DPP4: variants seen among roughly 807,000 people sequenced by gnomAD.
The protein encoded by DPP4 is dipeptidyl peptidase 4.
Under a neutral mutation model 122.4 loss-of-function variants are expected in DPP4, and 93 were observed. That is an observed-to-expected ratio of 0.76 (90% CI 0.64 to 0.90). DPP4 has a LOEUF of 0.90. DPP4 is among the 40% of genes least tolerant of loss of function. DPP4 has a pLI of 0.00. For synonymous variants in DPP4, 321 were observed against 302.9 expected (o/e 1.06, Z -0.62); for missense variants, 914 against 907.3 (o/e 1.01, Z -0.09).
At chr2:162,038,890 C>T (rs1292495316) in intron 7 of DPP4, 59 bp downstream of exon 7, 7 of 1,480,622 alleles carry the variant, frequency 4.7e-6, no homozygotes, top group Non-Finnish European at 6.6e-6. Context: ...GGGTTAGTAA[C>T]TTCTGCCTAT....
chr2:162,016,716 G>C, intron 18 of DPP4, 52 bp downstream of exon 18: 1 of 1,179,802 alleles, frequency 8.5e-7, no homozygotes. Flanking sequence ...ACTATAGTTA[G>C]AGTGCATTGG....
chr2:162,004,735 A>G (rs1056774136), intron 23 of DPP4, among the ~76,000 whole-genome samples: 2 of 152,252 alleles, frequency 1.3e-5, no homozygotes, highest in Admixed American at 6.5e-5. Context: ...TTCAGCATCC[A>G]TAGTAATAGG....
chr2:161,994,266 A>G (rs1283663777), intron 25 of DPP4, among the ~76,000 whole-genome samples: 1 of 152,234 alleles, frequency 6.6e-6, no homozygotes, highest in Admixed American at 6.5e-5. Context: ...TGCATTGGGC[A>G]CCATTTGAAC....
chr2:162,031,441 G>A (rs1484732048), intron 10 of DPP4, among the ~76,000 whole-genome samples: 3 of 152,200 alleles, frequency 2.0e-5, no homozygotes, highest in Non-Finnish European at 4.4e-5. Context: ...CCATTGATAA[G>A]TTCTAAAGCC....
At chr2:162,007,024 T>C (rs533191762) in intron 22 of DPP4, among the ~76,000 whole-genome samples, 8 of 152,244 alleles carry the variant, frequency 5.3e-5, no homozygotes, top group Non-Finnish European at 1.2e-4. Flanking sequence ...ATGCATACTT[T>C]ATGCCATTTC....
intron 23 of DPP4, among the ~76,000 whole-genome samples, chr2:162,003,878 A>G (rs1176248468): frequency 6.6e-6 from 1 of 152,224 alleles, no homozygotes; most frequent in African/African-American, 2.4e-5. Flanking sequence ...TGAAGAGGGG[A>G]AAATTCAGTA....
intron 2 of DPP4, among the ~76,000 whole-genome samples, chr2:162,053,473 C>T (rs148889265): frequency 1.3e-5 from 2 of 151,938 alleles, no homozygotes; most frequent in African/African-American, 4.8e-5. Flanking sequence ...AGAAAGTTTA[C>T]AAATTTGTGT....
chr2:162,048,633 CA>C (rs990763456), intron 2 of DPP4, among the ~76,000 whole-genome samples: 2 of 152,114 alleles, frequency 1.3e-5, no homozygotes, highest in African/African-American at 4.8e-5. Context: ...TTTTCTAAAC[CA>C]CTTCTCTGCA....
chr2:162,028,651 A>G (rs1208679940), intron 10 of DPP4, among the ~76,000 whole-genome samples: 1 of 152,230 alleles, frequency 6.6e-6, no homozygotes, highest in African/African-American at 2.4e-5. Context: ...CAGCTGGATT[A>G]GTCCAACGGG....
chr2:162,035,352 A>G lies in DPP4; in HGVS notation c.614-28T>C, dbSNP rs200549652. On this transcript the variant is annotated intron_variant, in intron 8 of 25. Transcript: ENST00000360534. ...GAAAAAAGACACAAATTGTTCTGTT[A>G]CAAGAAGTAGCTGATAAATTGGCTT... 1,912 of 1,604,364 alleles carry G rather than the reference A, an allele frequency of 1.2e-3. 15 individuals carry two copies. Among genetic ancestry groups the G allele is most frequent in the South Asian group, 0.01 (918 of 89,610 alleles).
Position 162,073,195 on chromosome 2 carries a change from A to C in DPP4, c.94+204T>G, listed in dbSNP as rs144201635. On this transcript the variant is annotated intron_variant, in intron 2 of 25. Transcript: ENST00000360534. ...CATAACAAGACGTGAAAGCCGCAAG[A>C]GTTTCAGCCTAAACACTGAAGACCC... 1.2e-3 allele frequency: 562 copies of C among 485,860 alleles called. 10 individuals carry two copies. In the East Asian group the frequency reaches 0.015, roughly 13 times the overall value. 30.1% of individuals were successfully genotyped at this position (485,860 alleles called of 1,614,324 possible). A position where few individuals can be genotyped will look rare whatever the true frequency, so the allele number is the denominator to read the frequency against.
chr2:162,056,032 C>T (rs955167102), intron 2 of DPP4, among the ~76,000 whole-genome samples: 2 of 152,174 alleles, frequency 1.3e-5, no homozygotes, highest in Non-Finnish European at 2.9e-5. Context: ...GTTCTTCCCC[C>T]AGATATGGCC....
intron 12 of DPP4, 32 bp downstream of exon 12, chr2:162,022,723 A>T: frequency 6.2e-7 from 1 of 1,611,326 alleles, no homozygotes. Flanking sequence ...TAGCTGACTC[A>T]TCCATAAAAC....
intron 5 of DPP4, among the ~76,000 whole-genome samples, chr2:162,043,716 A>T: frequency 6.6e-6 from 1 of 152,104 alleles, no homozygotes; most frequent in East Asian, 1.9e-4. Context: ...CATTACAATC[A>T]CCTATGACAG....
At chr2:162,008,428 C>A in intron 22 of DPP4, 134 bp downstream of exon 22, 1 of 689,524 alleles carries the variant, frequency 1.5e-6, no homozygotes, top group Non-Finnish European at 2.5e-6. Context: ...TTATAGGTAT[C>A]CAAAAAGAAC....
chr2:162,051,123 C>T (rs1684367642), intron 2 of DPP4, among the ~76,000 whole-genome samples: 1 of 152,078 alleles, frequency 6.6e-6, no homozygotes, highest in African/African-American at 2.4e-5. Flanking sequence ...CAACTATTAG[C>T]TTGAACCGCA....
chr2:161,995,194 T>G, intron 24 of DPP4, 106 bp downstream of exon 24: 7 of 1,324,912 alleles, frequency 5.3e-6, no homozygotes, highest in Non-Finnish European at 6.5e-6. Context: ...CAACACTGTT[T>G]TATTGAAGTA....
At chr2:162,040,140 C>T (rs940592129) in intron 5 of DPP4, among the ~76,000 whole-genome samples, 2 of 151,786 alleles carry the variant, frequency 1.3e-5, no homozygotes, top group Non-Finnish European at 2.9e-5. Context: ...AAATTGAATC[C>T]AGATATAAGA....
chr2:162,058,134 G>A (rs1684642934), intron 2 of DPP4, among the ~76,000 whole-genome samples: 1 of 152,106 alleles, frequency 6.6e-6, no homozygotes, highest in African/African-American at 2.4e-5. Flanking sequence ...TTCCCTAACT[G>A]ATATAAGAAC....
Sources: gnomAD v4.1 joint callset for allele counts (sites outside exome capture counted in the v4.1 genomes callset) on GRCh38, gnomAD v4.1.1 for gene constraint, MANE v1.5 for transcripts, NCBI Gene and HGNC (gene_info 2026-07-23, HGNC 2026-07-21) for gene names.